The following XPO1 variants were observed in gnomAD, a reference collection of about 807,000 sequenced individuals.
XPO1 encodes the protein exportin-1.
XPO1 carries 5 observed loss-of-function variants against 133.3 expected under a neutral mutation model. That is an observed-to-expected ratio of 0.04 (90% CI 0.02 to 0.08). XPO1 has a LOEUF of 0.08. XPO1 is among the 10% of genes least tolerant of loss of function. The probability of loss-of-function intolerance (pLI) is 1.00; values close to 1 mark genes in which losing one functional copy is unlikely to be tolerated. For missense variants in XPO1, 506 were observed against 1,267.5 expected (o/e 0.40, Z 9.12); for synonymous variants, 419 against 408.2 (o/e 1.03, Z -0.32).
rs753456292 is a variant in XPO1 at position 61,483,968 on chromosome 2, G to A, written c.2646C>T (p.Phe882=). The A allele has an allele frequency of 4.3e-6, 7 of 1,613,466 alleles. No homozygotes were observed. In the African/African-American group the frequency reaches 9.3e-5, roughly 22 times the overall value. The change falls in exon 21 of 25, where the codon TTC becomes TTT. Residue 882 remains phenylalanine, a synonymous_variant. Transcript: ENST00000401558. ...KLVLDSIIWA[F]KHTMRNVADT... ...CTGCGACATTCCTCATAGTATGTTT[G>A]AAAGCCCAAATGATGGAATCCAAAA...
chr2:61,530,877 T>TA (rs1425652166), intron 2 of XPO1, among the ~76,000 whole-genome samples: 1 of 152,124 alleles, frequency 6.6e-6, no homozygotes, highest in African/African-American at 2.4e-5. Context: ...TCACATATGC[T>TA]AAATCATTTT....
intron 20 of XPO1, 91 bp downstream of exon 20, chr2:61,485,677 A>C: frequency 2.7e-6 from 3 of 1,091,710 alleles, no homozygotes; most frequent in Non-Finnish European, 3.9e-6. Context: ...ATGGCATTAA[A>C]ATTATGTTAT....
Position 61,493,702 on chromosome 2 carries a change from A to C in XPO1, c.1245+192T>G, listed in dbSNP as rs1573132273. On this transcript the variant is annotated intron_variant, in intron 12 of 24. Transcript: ENST00000401558. ...AATCACAACCAATGTTGATACTGAG[A>C]GAAGGACCACACTCTTGAGAATCAA... 4 of 601,982 alleles carry C rather than the reference A, an allele frequency of 6.6e-6. No homozygotes were observed. In the East Asian group the frequency reaches 1.2e-4, roughly 18 times the overall value. 37.3% of individuals were successfully genotyped at this position (601,982 alleles called of 1,614,324 possible).
At chr2:61,519,526 T>C (rs1698578508) in intron 4 of XPO1, among the ~76,000 whole-genome samples, 4 of 143,294 alleles carry the variant, frequency 2.8e-5, no homozygotes, top group Admixed American at 2.8e-4. Context: ...TGAAACCATC[T>C]CTACTAAAAA....
At chr2:61,517,282 G>A (rs1257653393) in intron 4 of XPO1, among the ~76,000 whole-genome samples, 3 of 152,180 alleles carry the variant, frequency 2.0e-5, no homozygotes, top group African/African-American at 4.8e-5. Context: ...CAGTCCTAGA[G>A]GACCTTTAAG....
intron 4 of XPO1, among the ~76,000 whole-genome samples, chr2:61,505,348 C>G (rs1350689010): frequency 6.6e-6 from 1 of 151,532 alleles, no homozygotes; most frequent in African/African-American, 2.4e-5. Flanking sequence ...TAAATGAACA[C>G]TAAATTATAA....
At chr2:61,511,919 A>C (rs1698117781) in intron 4 of XPO1, among the ~76,000 whole-genome samples, 1 of 151,962 alleles carries the variant, frequency 6.6e-6, no homozygotes. Flanking sequence ...GGCACACGCC[A>C]CCATGCCCGG....
At chr2:61,512,278 A>C (rs1432165399) in intron 4 of XPO1, among the ~76,000 whole-genome samples, 1 of 152,128 alleles carries the variant, frequency 6.6e-6, no homozygotes, top group Non-Finnish European at 1.5e-5. Context: ...TGAAACAATC[A>C]CCTCTGAGTA....
intron 4 of XPO1, among the ~76,000 whole-genome samples, chr2:61,516,955 G>A (rs1365372438): frequency 6.6e-6 from 1 of 152,006 alleles, no homozygotes; most frequent in Non-Finnish European, 1.5e-5. Context: ...CCAGGCTGGA[G>A]TGCAGTCGTG....
chr2:61,494,131 A>G (rs779628511), intron 11 of XPO1, 40 bp from the exon 12 acceptor site: 20 of 1,561,404 alleles, frequency 1.3e-5, no homozygotes, highest in Non-Finnish European at 1.7e-5. Flanking sequence ...ATTCTTAAAC[A>G]TTACCAACTT....
chr2:61,501,928 T>C (rs1457800476), intron 6 of XPO1, 68 bp downstream of exon 6: 3 of 1,325,328 alleles, frequency 2.3e-6, no homozygotes, highest in Non-Finnish European at 3.1e-6. Flanking sequence ...ATTTCCTAAG[T>C]AGGTCGAACA....
chr2:61,488,419 TAATTTTAA>T, intron 18 of XPO1, 148 bp from the exon 19 acceptor site: 14 of 1,195,410 alleles, frequency 1.2e-5, no homozygotes, highest in Non-Finnish European at 1.7e-5. Context: ...GCTTTAAGAC[TAATTTTAA>T]AAGGGAAAGG....
chr2:61,478,913 G>C lies in XPO1; in HGVS notation c.3123C>G (p.Ala1041=). 6.2e-7 allele frequency: 1 copy of C among 1,614,118 alleles called. No homozygotes were observed. The highest frequency in any genetic ancestry group is 8.5e-7 in the Non-Finnish European group (1 of 1,180,016). Residue 1041 remains alanine, a synonymous_variant, in exon 25 of 25, where the codon GCC becomes GCG. Transcript: ENST00000401558. ...GTTTCTCTTCATCAGCCTGCCGTAGGGCTATTTCTCTCTCTTCCAAAAACA... is the reference window on the plus strand; with the variant it reads ...GTTTCTCTTCATCAGCCTGCCGTAGCGCTATTTCTCTCTCTTCCAAAAACA... ...SDLFLEEREI[A]LRQADEEKHK...
In XPO1 at chr2:61,483,182, C is replaced by A. The variant is rs76830709; in HGVS notation, c.2678-91G>T. 9.5e-4 allele frequency: 1,324 copies of A among 1,397,986 alleles called. 23 individuals carry two copies. In the East Asian group the frequency reaches 0.03, roughly 32 times the overall value. The allele number at this position is 1,397,986 out of a possible 1,614,324, so 86.6% of individuals were successfully genotyped here. A position where few individuals can be genotyped will look rare whatever the true frequency, so the allele number is the denominator to read the frequency against. ...TCTTATCAAAGTATTCTGAATCTAA[C>A]CCTGTTCTCCCTTTTTTTTGGGATG... On this transcript the variant is annotated intron_variant, in intron 21 of 24. Coordinates refer to ENST00000401558, the MANE Select transcript of XPO1 (RefSeq NM_003400.4).
Position 61,478,909 on chromosome 2 carries a change from G to T in XPO1, c.3127C>A (p.Arg1043=). Residue 1043 remains arginine (R), a synonymous_variant, in exon 25 of 25, where the codon CGG becomes AGG. Coordinates refer to ENST00000401558, the MANE Select transcript of XPO1 (RefSeq NM_003400.4). ...LFLEEREIAL[R]QADEEKHKRQ... ...TTATGTTTCTCTTCATCAGCCTGCC[G>T]TAGGGCTATTTCTCTCTCTTCCAAA... 1.5e-5 allele frequency: 25 copies of T among 1,614,130 alleles called. No homozygotes were observed. The highest frequency in any genetic ancestry group is 2.2e-5 in the East Asian group (1 of 44,870).
chr2:61,529,492 C>T (rs1207604653), intron 2 of XPO1, among the ~76,000 whole-genome samples: 1 of 152,016 alleles, frequency 6.6e-6, no homozygotes, highest in African/African-American at 2.4e-5. Flanking sequence ...CCCGTCTCTA[C>T]TAAAAATTCA....
chr2:61,485,102 A>C (rs1573108338), intron 20 of XPO1: 1 of 151,482 alleles, frequency 6.6e-6, no homozygotes, highest in Non-Finnish European at 1.5e-5. Flanking sequence ...CTGGTCTTGA[A>C]CTCCCGACCT....
intron 5 of XPO1, 42 bp downstream of exon 5, chr2:61,502,207 T>G (rs192416109): frequency 1.9e-6 from 3 of 1,596,996 alleles, no homozygotes; most frequent in African/African-American, 1.4e-5. Context: ...AATATCTAAA[T>G]GATTTTATGC....
chr2:61,530,728 TAAA>T (rs201428574), intron 2 of XPO1, among the ~76,000 whole-genome samples: 2 of 141,644 alleles, frequency 1.4e-5, no homozygotes, highest in East Asian at 4.0e-4. Context: ...CACATTCCTT[TAAA>T]AAAAAAAAAA....
Sources: allele counts gnomAD v4.1 joint callset (sites outside exome capture counted in the v4.1 genomes callset), GRCh38; gene constraint gnomAD v4.1.1; transcripts MANE v1.5; gene names NCBI Gene and HGNC (gene_info 2026-07-23, HGNC 2026-07-21).